Variants in CRACR2A observed in about 807,000 individuals in gnomAD.
CRACR2A encodes EF-hand calcium-binding domain-containing protein 4B.
In CRACR2A, 79 loss-of-function variants were observed where a neutral mutation model predicts 90.5. That is an observed-to-expected ratio of 0.87 (90% CI 0.73 to 1.05). CRACR2A has a LOEUF of 1.05. CRACR2A is among the 50% of genes least tolerant of loss of function. The pLI is 0.00. For synonymous variants in CRACR2A, 338 were observed against 356.7 expected (o/e 0.95, Z 0.59); for missense variants, 823 against 897.2 (o/e 0.92, Z 1.06).
At chr12:3,661,613 G>T (rs565774743) in intron 7 of CRACR2A, among the ~76,000 whole-genome samples, 56 of 152,266 alleles carry the variant, frequency 3.7e-4, no homozygotes, top group Admixed American at 1.2e-3. Flanking sequence ...AAGGAAAAAG[G>T]CTCATGCTAT....
Position 3,633,706 on chromosome 12 carries a change from G to A in CRACR2A, c.1633C>T (p.Leu545Phe). The change falls in exon 15 of 20, where the codon CTC becomes TTC. Residue 545 changes from leucine to phenylalanine, a missense_variant. Physicochemically the swap from Leu to Phe is conservative, Grantham distance 22 (BLOSUM62 0). Coordinates refer to ENST00000440314, the MANE Select transcript of CRACR2A (RefSeq NM_001144958.2). This position sits in a 1 kb window ranked among gnomAD's most constrained non-coding sequence, Gnocchi z 4.5. ...TTGCCCACGAACACAATCTTGAAGAGCCGGTCAGGGGCAGAGGGAGAGCTT... is the reference window on the plus strand; with the variant it reads ...TTGCCCACGAACACAATCTTGAAGAACCGGTCAGGGGCAGAGGGAGAGCTT... ...EESSPSAPDR[L>F]FKIVFVGNSA... is the part of the protein sequence containing the mutation. The A allele has an allele frequency of 6.4e-7, 1 of 1,551,742 alleles. No individual in the cohort carries two copies. The highest frequency in any genetic ancestry group is 8.7e-7 in the Non-Finnish European group (1 of 1,146,990).
intron 2 of CRACR2A, among the ~76,000 whole-genome samples, chr12:3,721,569 A>G (rs1439605397): frequency 1.4e-5 from 2 of 139,706 alleles, no homozygotes; most frequent in East Asian, 4.0e-4. Context: ...TGGGCAACAG[A>G]GTCTCAATCA....
intron 1 of CRACR2A, among the ~76,000 whole-genome samples, chr12:3,750,979 A>C (rs1946694336): frequency 6.6e-6 from 1 of 152,190 alleles, no homozygotes; most frequent in African/African-American, 2.4e-5. Context: ...AGCCACTCTA[A>C]CTCTGGAATC....
intron 1 of CRACR2A, among the ~76,000 whole-genome samples, chr12:3,735,148 A>G (rs981824006): frequency 6.6e-6 from 1 of 152,244 alleles, no homozygotes; most frequent in Non-Finnish European, 1.5e-5. Flanking sequence ...ATACACATAT[A>G]TATCAAATCA....
chr12:3,719,429 T>C (rs1946125374), intron 2 of CRACR2A, among the ~76,000 whole-genome samples: 1 of 152,210 alleles, frequency 6.6e-6, no homozygotes, highest in Admixed American at 6.5e-5. Flanking sequence ...TAGGAAATCC[T>C]ATCCCGGAAT....
At chr12:3,739,062 A>G (rs911036217) in intron 1 of CRACR2A, among the ~76,000 whole-genome samples, 6 of 152,078 alleles carry the variant, frequency 3.9e-5, no homozygotes, top group Non-Finnish European at 5.9e-5. Context: ...AGTTGGCCAC[A>G]TGGAGACTCT....
intron 4 of CRACR2A, 86 bp from the exon 5 acceptor site, chr12:3,680,435 A>G: frequency 2.6e-6 from 3 of 1,172,984 alleles, no homozygotes; most frequent in Non-Finnish European, 3.8e-6. Context: ...TCTGCCAGAA[A>G]GTGTCTAGAG....
chr12:3,617,171 C>T (rs1277786124), intron 18 of CRACR2A, 141 bp from the exon 19 acceptor site: 1 of 658,036 alleles, frequency 1.5e-6, no homozygotes, highest in Non-Finnish European at 2.7e-6. Flanking sequence ...AATCCTTCCC[C>T]ACTCTGTACA....
intron 2 of CRACR2A, among the ~76,000 whole-genome samples, chr12:3,717,727 A>T (rs1316293393): frequency 6.6e-6 from 1 of 152,248 alleles, no homozygotes; most frequent in Non-Finnish European, 1.5e-5. Flanking sequence ...ATTTGTAATA[A>T]GAACATGCCA....
chr12:3,654,614 C>T (rs1266820026), intron 9 of CRACR2A, among the ~76,000 whole-genome samples: 1 of 152,182 alleles, frequency 6.6e-6, no homozygotes, highest in Non-Finnish European at 1.5e-5. Context: ...CTTGTCTCTC[C>T]CCTGTCTCCA....
intron 12 of CRACR2A, 130 bp from the exon 13 acceptor site, chr12:3,641,968 G>T (rs1944580037): frequency 1.3e-6 from 1 of 767,190 alleles, no homozygotes; most frequent in African/African-American, 1.7e-5. Flanking sequence ...CAGTGTTCTG[G>T]TCTCCCTGTT....
At chr12:3,663,351 C>T (rs960840752) in intron 7 of CRACR2A, among the ~76,000 whole-genome samples, 1 of 152,098 alleles carries the variant, frequency 6.6e-6, no homozygotes, top group Non-Finnish European at 1.5e-5. Context: ...GACAATACCA[C>T]GTCAAGGACT....
At chr12:3,674,972 T>C (rs1239694277) in intron 6 of CRACR2A, among the ~76,000 whole-genome samples, 1 of 152,236 alleles carries the variant, frequency 6.6e-6, no homozygotes, top group Non-Finnish European at 1.5e-5. Context: ...CTTTATGTAA[T>C]GTATATTTCA....
chr12:3,682,763 GT>G (rs917645673), intron 4 of CRACR2A, among the ~76,000 whole-genome samples: 1 of 150,890 alleles, frequency 6.6e-6, no homozygotes, highest in Non-Finnish European at 1.5e-5. Context: ...CCCTGGTACT[GT>G]TTACATTATT....
At chr12:3,725,591 T>G (rs1946250594) in intron 2 of CRACR2A, among the ~76,000 whole-genome samples, 1 of 152,184 alleles carries the variant, frequency 6.6e-6, no homozygotes, top group Admixed American at 6.5e-5. Context: ...TATTCACCAG[T>G]TCTGGCAGTT....
chr12:3,751,805 A>C (rs1946709091), intron 1 of CRACR2A, among the ~76,000 whole-genome samples: 1 of 108,188 alleles, frequency 9.2e-6, no homozygotes, highest in African/African-American at 3.8e-5. Context: ...TCACTTATAG[A>C]ACCGAGAGGT....
In CRACR2A at chr12:3,638,017, C is replaced by T. The variant is rs972443870; in HGVS notation, c.1602+107G>A. The T allele has an allele frequency of 1.7e-5, 19 of 1,094,242 alleles. No individual in the cohort carries two copies. The African/African-American group carries it at 2.7e-4, about 15-fold the overall frequency. The allele number at this position is 1,094,242 out of a possible 1,614,324, so 67.8% of individuals were successfully genotyped here. A position where few individuals can be genotyped will look rare whatever the true frequency, so the allele number is the denominator to read the frequency against. On this transcript the variant is annotated intron_variant, in intron 14 of 19. Transcript: ENST00000440314. Reference sequence around the variant, plus strand: ...GACACATATGTGGTGAATCATAAGACCTGCAGCATCTGACCTCCTGAGCTG... The same window carrying T: ...GACACATATGTGGTGAATCATAAGATCTGCAGCATCTGACCTCCTGAGCTG...
chr12:3,627,534 G>A lies in CRACR2A; in HGVS notation c.1834C>T (p.Gln612Ter). 1.3e-6 allele frequency: 2 copies of A among 1,551,634 alleles called. No homozygotes were observed. Among genetic ancestry groups the A allele is most frequent in the Non-Finnish European group, 1.7e-6 (2 of 1,146,980 alleles). The change falls in exon 17 of 20, where the codon CAG becomes TAG. Residue 612 changes from glutamine (Q) to a stop codon, truncating the protein, a stop_gained. Coordinates refer to ENST00000440314, the MANE Select transcript of CRACR2A (RefSeq NM_001144958.2). LOFTEE classifies it high-confidence loss of function. ...CCATCTGCCTTTCTGAAGAACTGCT[G>A]GGTGATGCACCGGTACCTGCCACAG... ...AGQERYRCIT[Q>*]QFFRKADGVI... is the part of the protein sequence containing the mutation.
intron 4 of CRACR2A, among the ~76,000 whole-genome samples, chr12:3,693,904 A>G (rs1321463238): frequency 6.6e-6 from 1 of 152,062 alleles, no homozygotes; most frequent in Non-Finnish European, 1.5e-5. Flanking sequence ...TGGCGCCTCT[A>G]CTTCTCTAAG....
Sources: gnomAD v4.1 joint callset for allele counts (sites outside exome capture counted in the v4.1 genomes callset) on GRCh38, gnomAD v4.1.1 for gene constraint, Gnocchi (gnomAD v3.1) non-coding constraint, MANE v1.5 for transcripts, NCBI Gene and HGNC (gene_info 2026-07-23, HGNC 2026-07-21) for gene names.